ZNF385D: variants seen among roughly 807,000 people sequenced by gnomAD.
ZNF385D encodes zinc finger protein 385D, also known as zinc finger protein 659.
ZNF385D carries 15 observed loss-of-function variants against 35.8 expected under a neutral mutation model. The observed-to-expected ratio is 0.42, with a 90% CI of 0.28 to 0.64. The LOEUF (loss-of-function observed/expected upper bound fraction) is 0.64. ZNF385D is among the 30% of genes least tolerant of loss of function. The pLI is 0.23. For missense variants in ZNF385D, 474 were observed against 494.6 expected (o/e 0.96, Z 0.39); for synonymous variants, 212 against 186.8 (o/e 1.13, Z -1.10).
intron 4 of ZNF385D, among the ~76,000 whole-genome samples, chr3:21,490,158 T>C (rs545895742): frequency 8.5e-5 from 13 of 152,138 alleles, no homozygotes; most frequent in Non-Finnish European, 1.6e-4. Flanking sequence ...GTATTTTTTA[T>C]ATTTTTATTT....
At chr3:21,713,001 A>G (rs1428985837) in intron 1 of ZNF385D, among the ~76,000 whole-genome samples, 1 of 152,196 alleles carries the variant, frequency 6.6e-6, no homozygotes, top group African/African-American at 2.4e-5. Context: ...TGGACATAAG[A>G]ATCACTCTTC....
rs1553622610 is a variant in ZNF385D at position 21,608,023 on chromosome 3, G to GTTTTTTTTTGGTTTTTTTTTT, written c.166-43340_166-43339insAAAAAAAAAACCAAAAAAAAA. Among the ~76,000 whole-genome samples the GTTTTTTTTTGGTTTTTTTTTT allele has an allele frequency of 4.6e-3, 558 of 120,096 alleles. 39 individuals carry two copies. Among genetic ancestry groups the GTTTTTTTTTGGTTTTTTTTTT allele is most frequent in the African/African-American group, 0.014 (437 of 31,100 alleles). 78.8% of individuals were successfully genotyped at this position (120,096 alleles called of 152,430 possible). ...TAATTCTTTTTCTTCTTTTTTTTTTGTTTTTTTTTTTTGAGTCTTGCTGTC... is the reference window on the plus strand; with the variant it reads ...TAATTCTTTTTCTTCTTTTTTTTTTGTTTTTTTTTGGTTTTTTTTTTTTTTTTTTTTTTGAGTCTTGCTGTC... On this transcript the variant is annotated intron_variant, in intron 2 of 7. Transcript: ENST00000281523.
At chr3:22,307,935 T>G (rs919386314) in intron 2 of ZNF385D, among the ~76,000 whole-genome samples, 6 of 152,026 alleles carry the variant, frequency 3.9e-5, no homozygotes, top group African/African-American at 1.4e-4. Context: ...CACTTTAAAA[T>G]CAAAGTTAAA....
intron 3 of ZNF385D, among the ~76,000 whole-genome samples, chr3:21,835,820 C>G (rs1259043912): frequency 1.3e-5 from 2 of 152,098 alleles, no homozygotes; most frequent in African/African-American, 4.8e-5. Context: ...AATTGTCCCT[C>G]CAACTAAATG....
intron 3 of ZNF385D, among the ~76,000 whole-genome samples, chr3:22,026,945 T>C (rs1697592532): frequency 6.6e-6 from 1 of 152,206 alleles, no homozygotes; most frequent in Admixed American, 6.5e-5. Context: ...GACTCCAATT[T>C]CAGCTGTTGC....
At chr3:21,512,145 C>CAAAA (rs35276805) in intron 3 of ZNF385D, among the ~76,000 whole-genome samples, 14 of 90,244 alleles carry the variant, frequency 1.6e-4, no homozygotes, top group East Asian at 3.2e-4. Context: ...GACTCCATCT[C>CAAAA]AAAAAAAAAA....
chr3:22,108,324 G>A (rs1033340394), intron 3 of ZNF385D, among the ~76,000 whole-genome samples: 5 of 150,746 alleles, frequency 3.3e-5, no homozygotes, highest in Non-Finnish European at 5.9e-5. Flanking sequence ...TGGAAGATGT[G>A]TTTATTAACA....
chr3:22,266,660 A>C (rs985391563), intron 2 of ZNF385D, among the ~76,000 whole-genome samples: 1 of 151,948 alleles, frequency 6.6e-6, no homozygotes, highest in Admixed American at 6.6e-5. Flanking sequence ...TGCAATGGAA[A>C]TTTTCTATTC....
chr3:21,860,002 A>G (rs1237667758), intron 3 of ZNF385D, among the ~76,000 whole-genome samples: 3 of 151,772 alleles, frequency 2.0e-5, no homozygotes, highest in Admixed American at 6.6e-5. Context: ...AAATTAAAAA[A>G]GAAAAGAAAA....
At chr3:21,695,645 T>C (rs982603395) in intron 1 of ZNF385D, among the ~76,000 whole-genome samples, 2 of 151,996 alleles carry the variant, frequency 1.3e-5, no homozygotes, top group African/African-American at 4.8e-5. Context: ...ATAGAGAAAA[T>C]TTATCCTTGA....
chr3:21,761,248 A>G (rs1310588509), intron 3 of ZNF385D, among the ~76,000 whole-genome samples: 2 of 152,344 alleles, frequency 1.3e-5, no homozygotes, highest in African/African-American at 4.8e-5. Context: ...AGAGACTCCT[A>G]GTCAGCACCA....
intron 3 of ZNF385D, among the ~76,000 whole-genome samples, chr3:21,759,738 C>T (rs555113130): frequency 1.3e-4 from 20 of 152,132 alleles, no homozygotes; most frequent in Admixed American, 1.0e-3. Flanking sequence ...TGTTTGCAAA[C>T]AAAATGAAGG....
chr3:22,297,148 G>A (rs755523541), intron 2 of ZNF385D, among the ~76,000 whole-genome samples: 13 of 151,950 alleles, frequency 8.6e-5, no homozygotes, highest in Admixed American at 2.6e-4. Flanking sequence ...CCTAAAGGTC[G>A]CACTAGAATA....
chr3:21,869,238 C>G (rs1190874462), intron 3 of ZNF385D, among the ~76,000 whole-genome samples: 1 of 152,070 alleles, frequency 6.6e-6, no homozygotes, highest in East Asian at 1.9e-4. Context: ...TATATTTTGA[C>G]AGGGCAGAGA....
chr3:22,215,095 A>G (rs1440230845), intron 2 of ZNF385D, among the ~76,000 whole-genome samples: 1 of 151,998 alleles, frequency 6.6e-6, no homozygotes, highest in African/African-American at 2.4e-5. Context: ...AGGAATATAG[A>G]AAAAAACCTA....
intron 2 of ZNF385D, among the ~76,000 whole-genome samples, chr3:22,217,126 G>C (rs991292690): frequency 6.6e-6 from 1 of 152,130 alleles, no homozygotes; most frequent in South Asian, 2.1e-4. Context: ...ATTTGCAAGA[G>C]AGGAAGAGAC....
At chr3:22,321,514 C>T (rs986963342) in intron 2 of ZNF385D, among the ~76,000 whole-genome samples, 6 of 151,668 alleles carry the variant, frequency 4.0e-5, no homozygotes, top group African/African-American at 9.7e-5. Context: ...TACAGGGGCC[C>T]GCCACCACGC....
At chr3:22,108,502 C>T (rs1046377580) in intron 3 of ZNF385D, among the ~76,000 whole-genome samples, 3 of 151,982 alleles carry the variant, frequency 2.0e-5, no homozygotes, top group African/African-American at 7.2e-5. Flanking sequence ...TTAATCTTGG[C>T]CATTTCATGA....
chr3:22,041,185 T>C (rs1698642013), intron 3 of ZNF385D, among the ~76,000 whole-genome samples: 2 of 152,116 alleles, frequency 1.3e-5, no homozygotes, highest in Admixed American at 1.3e-4. Context: ...CCCTCTCTGG[T>C]TCAAGTCTAG....
Sources: allele counts gnomAD v4.1 joint callset (sites outside exome capture counted in the v4.1 genomes callset), GRCh38; gene constraint gnomAD v4.1.1; transcripts MANE v1.5; gene names NCBI Gene and HGNC (gene_info 2026-07-23, HGNC 2026-07-21).